DCAF13: variants seen among roughly 807,000 people sequenced by gnomAD.
DCAF13 encodes DDB1- and CUL4-associated factor 13.
Under a neutral mutation model 59.0 loss-of-function variants are expected in DCAF13, and 38 were observed. The observed-to-expected ratio is 0.64, with a 90% CI of 0.50 to 0.84. The LOEUF is 0.84. Among genes scored for constraint, DCAF13 ranks in the 40% least tolerant of loss-of-function variants. The probability of loss-of-function intolerance (pLI) is 0.00; values close to 1 mark genes in which losing one functional copy is unlikely to be tolerated. For synonymous variants in DCAF13, 173 were observed against 175.0 expected (o/e 0.99, Z 0.09); for missense variants, 469 against 558.4 (o/e 0.84, Z 1.61).
At position 103,427,087 on chromosome 8, in the gene DCAF13, G is replaced by A. The variant is rs374751047; in HGVS notation, c.469-10G>A. The A allele has an allele frequency of 1.3e-6, 2 of 1,578,246 alleles. No homozygotes were observed. Among genetic ancestry groups the A allele is most frequent in the African/African-American group, 2.7e-5 (2 of 72,732 alleles). On this transcript the variant is annotated splice_polypyrimidine_tract_variant and intron_variant, in intron 4 of 10. Coordinates refer to ENST00000612750, the MANE Select transcript of DCAF13 (RefSeq NM_015420.7). ...TGAAAAAAATCCTCTTAACCTTTTT[G>A]CTTTTAAAGACAGTGTATACTGGGA...
Position 103,435,623 on chromosome 8 carries a change from C to T in DCAF13, c.786-3C>T. 6.6e-7 allele frequency: 1 copy of T among 1,517,744 alleles called. No individual in the cohort carries two copies. The highest frequency in any genetic ancestry group is 8.8e-7 in the Non-Finnish European group (1 of 1,131,874). The allele number at this position is 1,517,744 out of a possible 1,614,324, so 94.0% of individuals were successfully genotyped here. On this transcript the variant is annotated splice_polypyrimidine_tract_variant and splice_region_variant and intron_variant, in intron 7 of 10. Coordinates refer to ENST00000612750, the MANE Select transcript of DCAF13 (RefSeq NM_015420.7). ...TGTCAAATATTTAAAAATTCTTTTA[C>T]AGCTTATATACTTTTGATATGCGTG...
In DCAF13 at chr8:103,430,660, G is replaced by A. The variant is rs746138680; in HGVS notation, c.673G>A (p.Asp225Asn). ...CASDRNIVLY[D>N]MRQATPLKKV... ...ATCTGACAGGAATATAGTACTGTACGATATGAGGCAAGCTACTCCTTTGAA... is the reference window on the plus strand; with the variant it reads ...ATCTGACAGGAATATAGTACTGTACAATATGAGGCAAGCTACTCCTTTGAA... Residue 225 changes from aspartate to asparagine, a missense_variant, in exon 6 of 11, where the codon GAT (aspartate) becomes AAT (asparagine). Asp to Asn is a conservative substitution (Grantham distance 23). Coordinates refer to ENST00000612750, the MANE Select transcript of DCAF13 (RefSeq NM_015420.7). 2.5e-6 allele frequency: 4 copies of A among 1,609,686 alleles called. No homozygotes were observed. Among genetic ancestry groups the A allele is most frequent in the Non-Finnish European group, 3.4e-6 (4 of 1,177,808 alleles).
chr8:103,421,031 A>T lies in DCAF13; in HGVS notation c.327A>T (p.Glu109Asp), dbSNP rs183706608. ...RNCIRTIQAH[E>D]GFVRGICTRF... The stretch of plus-strand genomic sequence containing the variant: ...GTATCCGTACAATACAAGCACATGA[A>T]GGCTTTGTACGAGGAATATGTACTC... The change falls in exon 3 of 11, where the codon GAA (glutamate) becomes GAT (aspartate). Residue 109 changes from glutamate to aspartate, a missense_variant. By Grantham distance (45) the Glu-to-Asp change is conservative (BLOSUM62 2). Coordinates refer to ENST00000612750, the MANE Select transcript of DCAF13 (RefSeq NM_015420.7). 13 of 1,613,866 alleles carry T rather than the reference A, an allele frequency of 8.1e-6. No homozygotes were observed. Among genetic ancestry groups the T allele is most frequent in the Admixed American group, 5.0e-5 (3 of 60,016 alleles).
rs543793688 is a variant in DCAF13 at position 103,433,701 on chromosome 8, T to A, written c.785+960T>A. Reference sequence around the variant, plus strand: ...TTAGTCCAGGAGTTTGAGGTTACAGTGAGTTGTAATTGGGCCACTGCACTC... The same window carrying A: ...TTAGTCCAGGAGTTTGAGGTTACAGAGAGTTGTAATTGGGCCACTGCACTC... On this transcript the variant is annotated intron_variant, in intron 7 of 10. Transcript: ENST00000612750. 2.0e-5 allele frequency among the ~76,000 whole-genome samples: 3 copies of A among 152,068 alleles called. No homozygotes were observed. In the South Asian group the frequency reaches 6.2e-4, roughly 32 times the overall value.
rs7813024 is a variant in DCAF13, at chr8:103,418,866, A to T, written c.71-1398A>T. ...TATATATATATATATATATATATAT[A>T]TTTTTTTTTTTTTTTTTTTTTTTTT... On this transcript the variant is annotated intron_variant, in intron 1 of 10. Coordinates refer to ENST00000612750, the MANE Select transcript of DCAF13 (RefSeq NM_015420.7). 7.8e-3 allele frequency among the ~76,000 whole-genome samples: 300 copies of T among 38,304 alleles called. 4 individuals carry two copies. The highest frequency in any genetic ancestry group is 8.9e-3 in the Non-Finnish European group (183 of 20,596). The allele number at this position is 38,304 out of a possible 152,430, so 25.1% of individuals were successfully genotyped here.
intron 3 of DCAF13, among the ~76,000 whole-genome samples, chr8:103,421,767 A>G (rs139166044): frequency 3.9e-5 from 6 of 152,330 alleles, no homozygotes; most frequent in East Asian, 1.9e-4. Flanking sequence ...ATTGTCTTCA[A>G]GGTTTATCCA....
chr8:103,441,511 T>G lies in DCAF13; in HGVS notation c.1143T>G (p.Phe381Leu), dbSNP rs758400351. The G allele has an allele frequency of 1.2e-6, 2 of 1,601,174 alleles. No individual in the cohort carries two copies. Among genetic ancestry groups the G allele is most frequent in the Non-Finnish European group, 1.7e-6 (2 of 1,176,998 alleles). The change falls in exon 10 of 11, where the codon TTT (phenylalanine) becomes TTG (leucine). Residue 381 changes from phenylalanine (F) to leucine (L), a missense_variant. Phe to Leu is a conservative substitution (Grantham distance 22). This residue lies in a region of DCAF13 where 84 missense variants were observed against 92.3 expected (regional missense o/e 0.91). Coordinates refer to ENST00000612750, the MANE Select transcript of DCAF13 (RefSeq NM_015420.7). ...KDYNQKLKEK[F>L]QHYPHIKRIA... ...ATAACCAGAAATTGAAGGAGAAATT[T>G]CAGCATTATCCTCATATAAAACGTA...
rs1001980502 is a variant in DCAF13, at chr8:103,418,688, A to G, written c.71-1576A>G. Among the ~76,000 whole-genome samples the G allele has an allele frequency of 6.6e-5, 10 of 151,280 alleles. 1 individual carries two copies. Among genetic ancestry groups the G allele is most frequent in the African/African-American group, 2.4e-4 (10 of 41,324 alleles). On this transcript the variant is annotated intron_variant, in intron 1 of 10. Coordinates refer to ENST00000612750, the MANE Select transcript of DCAF13 (RefSeq NM_015420.7). ...AATGACCTAGGCTAGAGCTTTGTTG[A>G]ATGTTAGATATAACACCATTACCAG...
chr8:103,438,408 G>A (rs1360843197), intron 8 of DCAF13, among the ~76,000 whole-genome samples: 3 of 150,612 alleles, frequency 2.0e-5, no homozygotes, highest in Non-Finnish European at 3.0e-5. Context: ...AGTTTTGTGA[G>A]TATAGTCGAG....
intron 10 of DCAF13, 28 bp downstream of exon 10, chr8:103,441,646 AC>A (rs772004021): frequency 3.1e-5 from 50 of 1,601,642 alleles, no homozygotes; most frequent in Non-Finnish European, 3.6e-5. Context: ...TGACTCTATT[AC>A]CCTTTTCTGA....
In DCAF13 at chr8:103,420,632, A is replaced by G. The variant is rs971517645; in HGVS notation, c.270+169A>G. 3 of 648,936 alleles carry G rather than the reference A, an allele frequency of 4.6e-6. No homozygotes were observed. The African/African-American group carries it at 5.5e-5, about 12-fold the overall frequency. 40.2% of individuals were successfully genotyped at this position (648,936 alleles called of 1,614,324 possible). ...GTATTTTCTTCTTTAAACCTAAGAAATTATAAATGCAGTAGTTTAAGGATC... is the reference window on the plus strand; with the variant it reads ...GTATTTTCTTCTTTAAACCTAAGAAGTTATAAATGCAGTAGTTTAAGGATC... On this transcript the variant is annotated intron_variant, in intron 2 of 10. Coordinates refer to ENST00000612750, the MANE Select transcript of DCAF13 (RefSeq NM_015420.7).
At chr8:103,423,832 A>G (rs1354298840) in intron 3 of DCAF13, among the ~76,000 whole-genome samples, 3 of 152,168 alleles carry the variant, frequency 2.0e-5, no homozygotes, top group African/African-American at 7.2e-5. Context: ...AAATGAATAA[A>G]GACTGAAAAT....
At chr8:103,419,756 A>G (rs1816696304) in intron 1 of DCAF13, among the ~76,000 whole-genome samples, 1 of 152,204 alleles carries the variant, frequency 6.6e-6, no homozygotes, top group Admixed American at 6.5e-5. Flanking sequence ...CATGCCTGTA[A>G]TCCCAGCACT....
intron 6 of DCAF13, 70 bp downstream of exon 6, chr8:103,430,759 A>G: frequency 2.8e-6 from 3 of 1,088,850 alleles, no homozygotes; most frequent in Non-Finnish European, 4.0e-6. Context: ...AGAGTGACTA[A>G]CAATATGGAG....
At chr8:103,424,552 T>C (rs1816764693) in intron 3 of DCAF13, among the ~76,000 whole-genome samples, 1 of 152,230 alleles carries the variant, frequency 6.6e-6, no homozygotes, top group South Asian at 2.1e-4. Flanking sequence ...CAGGCACATA[T>C]TCTTGTTCGG....
At chr8:103,429,402 C>T (rs1430660038) in intron 5 of DCAF13, 1 of 152,130 alleles carries the variant, frequency 6.6e-6, no homozygotes, top group African/African-American at 2.4e-5. Context: ...GTTAGCTGGC[C>T]ATGCAACTAT....
In DCAF13 at chr8:103,430,848, A is replaced by G. The variant is rs74849822; in HGVS notation, c.702+159A>G. 2.1e-3 allele frequency among the ~76,000 whole-genome samples: 321 copies of G among 152,228 alleles called. 1 individual carries two copies. Among genetic ancestry groups the G allele is most frequent in the African/African-American group, 7.5e-3 (311 of 41,548 alleles). On this transcript the variant is annotated intron_variant, in intron 6 of 10. Coordinates refer to ENST00000612750, the MANE Select transcript of DCAF13 (RefSeq NM_015420.7). ...TACATGATGATAGTCATGTTCTTTC[A>G]GCTCCCTATTGCTTTTTAGAGACTC...
chr8:103,416,270 G>A (rs1422622978), intron 1 of DCAF13, among the ~76,000 whole-genome samples: 1 of 152,206 alleles, frequency 6.6e-6, no homozygotes, highest in Non-Finnish European at 1.5e-5. Flanking sequence ...TTGAGTAGGA[G>A]ATATTATCAA....
chr8:103,422,070 A>G (rs1415393253), intron 3 of DCAF13, among the ~76,000 whole-genome samples: 1 of 152,224 alleles, frequency 6.6e-6, no homozygotes. Context: ...GCAGGCAATA[A>G]TAAGAGGCTA....
Sources: gnomAD v4.1 joint callset for allele counts (sites outside exome capture counted in the v4.1 genomes callset) on GRCh38, gnomAD v4.1.1 for gene constraint, gnomAD v4.1.1 regional missense constraint, MANE v1.5 for transcripts, NCBI Gene and HGNC (gene_info 2026-07-23, HGNC 2026-07-21) for gene names.